Variants in RNF17 observed in about 807,000 individuals in gnomAD.
RNF17 encodes ring finger protein 17.
In RNF17, 31 loss-of-function variants were observed where a neutral mutation model predicts 200.5. The ratio of observed to expected loss-of-function variants is 0.15; its 90% CI spans 0.12 to 0.21. The LOEUF is 0.21. Among genes scored for constraint, RNF17 ranks in the 10% least tolerant of loss-of-function variants. The pLI is 1.00. For missense variants in RNF17, 1,628 were observed against 1,905.1 expected (o/e 0.85, Z 2.71); for synonymous variants, 606 against 637.8 (o/e 0.95, Z 0.75).
chr13:24,796,718 C>A (rs1027368346), intron 11 of RNF17, among the ~76,000 whole-genome samples: 1 of 152,112 alleles, frequency 6.6e-6, no homozygotes, highest in Admixed American at 6.5e-5. Context: ...ATTCCCAGCG[C>A]CCTACAGAGG....
At chr13:24,840,924 T>C (rs1022537478) in intron 18 of RNF17, among the ~76,000 whole-genome samples, 3 of 152,244 alleles carry the variant, frequency 2.0e-5, no homozygotes, top group Non-Finnish European at 4.4e-5. Context: ...TATACTGTTA[T>C]AACTCTTATA....
chr13:24,748,917 T>A, the RNF17 span, among the ~76,000 whole-genome samples: 496 of 152,010 alleles, frequency 3.3e-3, 1 homozygote, highest in African/African-American at 0.012. Context: ...GCCCGGCTAA[T>A]TTTTTTGTAC....
chr13:24,787,011 G>C (rs944248193), intron 6 of RNF17, among the ~76,000 whole-genome samples: 1 of 151,770 alleles, frequency 6.6e-6, no homozygotes, highest in East Asian at 1.9e-4. Flanking sequence ...CTTCATTGTT[G>C]TTTTTATTTT....
In RNF17 at chr13:24,853,968, A is replaced by G; in HGVS notation, c.3434A>G (p.Lys1145Arg). Residue 1145 changes from lysine to arginine, a missense_variant, in exon 25 of 36, where the codon AAG (lysine) becomes AGG (arginine). Coordinates refer to ENST00000255324, the MANE Select transcript of RNF17 (RefSeq NM_031277.3). ...ATTAAAACTAACTTTGACCCTGACA[A>G]GAAAACTGCTGACATAATCAGTGAA... Reference protein sequence around the residue: ...NCIKTNFDPDKKTADIISEQK... With the variant: ...NCIKTNFDPDRKTADIISEQK... The G allele has an allele frequency of 1.2e-6, 2 of 1,614,194 alleles. No individual in the cohort carries two copies. The highest frequency in any genetic ancestry group is 1.7e-6 in the Non-Finnish European group (2 of 1,180,024).
At chr13:24,770,006 A>C (rs1420091665) in intron 2 of RNF17, among the ~76,000 whole-genome samples, 5 of 152,196 alleles carry the variant, frequency 3.3e-5, no homozygotes, top group Non-Finnish European at 7.4e-5. Flanking sequence ...TAGGTGCTAT[A>C]TTAGAAATAC....
chr13:24,810,804 G>A (rs1455133856), intron 15 of RNF17, among the ~76,000 whole-genome samples: 16 of 148,820 alleles, frequency 1.1e-4, no homozygotes, highest in African/African-American at 3.1e-4. Context: ...CATGTTTAGC[G>A]CTTCCTTCAG....
At chr13:24,834,566 C>T (rs1339796457) in intron 18 of RNF17, among the ~76,000 whole-genome samples, 2 of 152,162 alleles carry the variant, frequency 1.3e-5, no homozygotes, top group African/African-American at 4.8e-5. Flanking sequence ...AACACACTTC[C>T]ACTGGAGAAG....
intron 15 of RNF17, among the ~76,000 whole-genome samples, chr13:24,818,449 G>T (rs1463631376): frequency 6.6e-6 from 1 of 152,026 alleles, no homozygotes; most frequent in Non-Finnish European, 1.5e-5. Context: ...TACTCTGTCT[G>T]GATGTTTTAT....
chr13:24,883,409 A>ATAAT (rs1566275373), downstream of RNF17: 30 of 1,439,222 alleles, frequency 2.1e-5, no homozygotes, highest in South Asian at 6.4e-5. Context: ...TAAAAAAAAA[A>ATAAT]TAATAGAAAA....
In RNF17 at chr13:24,764,891, GTGTGTGTGTGT is replaced by G. The variant is rs1879399906; in HGVS notation, c.130+559_130+569del. ...GTTTCTTTTGTGCACCTTGTGGGGTGTGTGTGTGTGTGTGTGTGTGTGTGTGTGTGTGTTGG... is the reference window on the plus strand; with the variant it reads ...GTTTCTTTTGTGCACCTTGTGGGGTGGTGTGTGTGTGTGTGTGTGTGTTGG... On this transcript the variant is annotated intron_variant, in intron 1 of 35. Transcript: ENST00000255324. Among the ~76,000 whole-genome samples the G allele has an allele frequency of 8.3e-4, 54 of 64,744 alleles. 1 individual carries two copies. Among genetic ancestry groups the G allele is most frequent in the South Asian group, 1.0e-3 (3 of 2,874 alleles). 42.5% of individuals were successfully genotyped at this position (64,744 alleles called of 152,430 possible). A position where few individuals can be genotyped will look rare whatever the true frequency, so the allele number is the denominator to read the frequency against.
chr13:24,782,398 A>G (rs11620114), intron 6 of RNF17, among the ~76,000 whole-genome samples: 19,056 of 151,846 alleles, frequency 0.13, 1,266 homozygotes, highest in Middle Eastern at 0.16. Context: ...GGGTCTCACT[A>G]CATTGTCCAT....
At chr13:24,846,000 G>A (rs1891220552) in intron 22 of RNF17, among the ~76,000 whole-genome samples, 1 of 152,176 alleles carries the variant, frequency 6.6e-6, no homozygotes, top group Non-Finnish European at 1.5e-5. Context: ...CACTAAGGCA[G>A]GAACATCACT....
intron 14 of RNF17, among the ~76,000 whole-genome samples, chr13:24,803,087 A>G (rs1885448636): frequency 6.6e-6 from 1 of 151,884 alleles, no homozygotes; most frequent in Admixed American, 6.6e-5. Flanking sequence ...TAGAGAAATT[A>G]AGGTAGCTCA....
rs375776269 is a variant in RNF17 at position 24,826,065 on chromosome 13, T to C, written c.2245+293T>C. On this transcript the variant is annotated intron_variant, in intron 16 of 35. Transcript: ENST00000255324. The stretch of plus-strand genomic sequence containing the variant: ...CGGTGAACTCTAGTTTGATGTTGAC[T>C]GTTTGTCTGTCCCATGCTATTTTGA... The C allele has an allele frequency of 5.3e-5, 52 of 985,158 alleles. No homozygotes were observed. In the East Asian group the frequency reaches 2.9e-3, roughly 56 times the overall value. 61.0% of individuals were successfully genotyped at this position (985,158 alleles called of 1,614,324 possible).
At chr13:24,811,643 G>A (rs558197011) in intron 15 of RNF17, among the ~76,000 whole-genome samples, 3 of 152,278 alleles carry the variant, frequency 2.0e-5, no homozygotes, top group South Asian at 4.2e-4. Flanking sequence ...CTCTCAGGTC[G>A]TCAAAGTCAT....
rs747304860 is a variant in RNF17, at chr13:24,868,610, C to T, written c.4172C>T (p.Ser1391Leu). The change falls in exon 31 of 36, where the codon TCG becomes TTG. Residue 1391 changes from serine (S) to leucine (L), a missense_variant. By Grantham distance (145) the Ser-to-Leu change is moderately radical. Around this residue, in one of 5 missense-constraint regions of RNF17, gnomAD observed 609 missense variants for 681.9 expected, o/e 0.89. Coordinates refer to ENST00000255324, the MANE Select transcript of RNF17 (RefSeq NM_031277.3). ...TCTGTGGTGTTTTAGGAATTGCTTTCGGCTGAAACAGACACTCCTCTTTTA... is the reference window on the plus strand; with the variant it reads ...TCTGTGGTGTTTTAGGAATTGCTTTTGGCTGAAACAGACACTCCTCTTTTA... ...QWEIRFEELL[S>L]AETDTPLLPP... The T allele has an allele frequency of 1.9e-5, 30 of 1,583,302 alleles. No individual in the cohort carries two copies. Among genetic ancestry groups the T allele is most frequent in the South Asian group, 1.1e-4 (10 of 90,418 alleles).
Position 24,875,188 on chromosome 13 carries a change from A to G in RNF17, c.4583+939A>G, listed in dbSNP as rs536901436. ...TGAACAGGATCTAGTTTGAGGCACT[A>G]AAAAGGATAAGTGCAACGTGAATTC... On this transcript the variant is annotated intron_variant, in intron 33 of 35. Coordinates refer to ENST00000255324, the MANE Select transcript of RNF17 (RefSeq NM_031277.3). 2.0e-5 allele frequency among the ~76,000 whole-genome samples: 3 copies of G among 152,330 alleles called. No homozygotes were observed. In the South Asian group the frequency reaches 6.2e-4, roughly 32 times the overall value.
At position 24,793,090 on chromosome 13, in the gene RNF17, T is replaced by C. The variant is rs776823154; in HGVS notation, c.984T>C (p.Tyr328=). 6.3e-6 allele frequency: 10 copies of C among 1,596,224 alleles called. No individual in the cohort carries two copies. The East Asian group carries it at 1.8e-4, about 29-fold the overall frequency. The change falls in exon 10 of 36, where the codon TAT becomes TAC. Residue 328 remains tyrosine, a synonymous_variant. Transcript: ENST00000255324. Reference sequence around the variant, plus strand: ...TTAGACAGAATGTTCAAAAGAAATATAATAACAAAAAGGAACTTTCTTGTT... The same window carrying C: ...TTAGACAGAATGTTCAAAAGAAATACAATAACAAAAAGGAACTTTCTTGTT... The part of the protein sequence containing the change: ...NEIRQNVQKK[Y]NNKKELSCYD...
chr13:24,840,828 A>G (rs1410423516), intron 18 of RNF17, among the ~76,000 whole-genome samples: 1 of 152,202 alleles, frequency 6.6e-6, no homozygotes. Context: ...CTCACAAGTC[A>G]CCGCTAAAGA....
Sources: allele counts gnomAD v4.1 joint callset (sites outside exome capture counted in the v4.1 genomes callset), GRCh38; gene constraint gnomAD v4.1.1; regional missense constraint gnomAD v4.1.1; transcripts MANE v1.5; gene names NCBI Gene and HGNC (gene_info 2026-07-23, HGNC 2026-07-21).